The following TRAP1 variants were observed in gnomAD, a reference collection of about 807,000 sequenced individuals.
TRAP1 encodes TNF receptor associated protein 1.
A neutral mutation model predicts 89.1 loss-of-function variants in TRAP1; 102 were observed. The ratio of observed to expected loss-of-function variants is 1.15; its 90% CI spans 0.98 to 1.35. The LOEUF (loss-of-function observed/expected upper bound fraction) is 1.35. TRAP1 is among the 40% of genes most tolerant of loss of function. The pLI, the probability that TRAP1 is intolerant of heterozygous loss-of-function variation, is 0.00. For missense variants in TRAP1, 1,256 were observed against 945.3 expected, an observed-to-expected ratio of 1.33 and a Z score of -4.31; for synonymous variants, 508 against 388.0, an observed-to-expected ratio of 1.31 and a Z score of -3.64.
At chr16:3,675,218 C>A (rs977497958) in intron 8 of TRAP1, 106 bp downstream of exon 8, 4 of 1,109,746 alleles carry the variant, frequency 3.6e-6, no homozygotes, top group Non-Finnish European at 5.3e-6. Context: ...GCAGCTCGCC[C>A]TGTGACTCTG....
intron 11 of TRAP1, among the ~76,000 whole-genome samples, chr16:3,668,705 A>C (rs2050870592): frequency 6.6e-6 from 1 of 152,192 alleles, no homozygotes; most frequent in African/African-American, 2.4e-5. Context: ...AGCTTCGGGC[A>C]CTACCAGTGG....
chr16:3,668,661 C>A (rs1200342091), intron 11 of TRAP1, among the ~76,000 whole-genome samples: 1 of 152,162 alleles, frequency 6.6e-6, no homozygotes, highest in Non-Finnish European at 1.5e-5. Context: ...CAACCTTTGA[C>A]AACCACAAGC....
At chr16:3,679,855 C>G (rs2051052058) in intron 4 of TRAP1, 65 bp from the exon 5 acceptor site, 1 of 1,527,786 alleles carries the variant, frequency 6.5e-7, no homozygotes, top group Non-Finnish European at 9.0e-7. Flanking sequence ...AGTGCACCAG[C>G]AGTCCCAGGG....
chr16:3,662,760 C>T (rs755588551), intron 15 of TRAP1, 122 bp downstream of exon 15: 5 of 906,374 alleles, frequency 5.5e-6, no homozygotes, highest in Non-Finnish European at 8.9e-6. Context: ...CTCCACCTGA[C>T]ACCAAGGGCT....
intron 11 of TRAP1, among the ~76,000 whole-genome samples, chr16:3,670,229 A>G (rs959559554): frequency 1.3e-5 from 2 of 151,278 alleles, no homozygotes; most frequent in Non-Finnish European, 2.9e-5. Flanking sequence ...AAAGATATAA[A>G]AAATCAGCCG....
rs374392066 is a variant in TRAP1, at chr16:3,677,524, G to C, written c.678C>G (p.Ser226Arg). Residue 226 changes from serine to arginine, a missense_variant, in exon 6 of 18, where the codon AGC becomes AGG. Physicochemically the swap from Ser to Arg is moderately radical, Grantham distance 110. Transcript: ENST00000246957. ...EVYSRSAAPGSLGYQWLSDGS... is the reference protein window; with the variant it reads ...EVYSRSAAPGRLGYQWLSDGS... Reference sequence around the variant, plus strand: ...CATCTGAAAGCCACTGGTAACCCAGGCTCCCCGGGGCTGCCGAGCGGGAAT... The same window carrying C: ...CATCTGAAAGCCACTGGTAACCCAGCCTCCCCGGGGCTGCCGAGCGGGAAT... 3.1e-5 allele frequency: 50 copies of C among 1,614,060 alleles called. No homozygotes were observed. The highest frequency in any genetic ancestry group is 4.0e-5 in the Non-Finnish European group (47 of 1,180,042).
At chr16:3,660,225 A>C (rs1169514824) in intron 16 of TRAP1, 1 of 152,304 alleles carries the variant, frequency 6.6e-6, no homozygotes, top group East Asian at 1.9e-4. Context: ...TAATCTCTGC[A>C]GAAATACAAA....
chr16:3,672,850 A>C (rs1300473170), intron 9 of TRAP1, 30 bp from the exon 10 acceptor site: 1 of 1,597,710 alleles, frequency 6.3e-7, no homozygotes, highest in Non-Finnish European at 8.5e-7. Context: ...GCCATCATGC[A>C]GCACTGACCC....
chr16:3,665,661 C>T (rs1020461643), intron 12 of TRAP1, among the ~76,000 whole-genome samples: 1 of 152,212 alleles, frequency 6.6e-6, no homozygotes, highest in African/African-American at 2.4e-5. Context: ...CCCCAGCCCC[C>T]AACATCCTCT....
chr16:3,659,296 G>C (rs375467428), intron 16 of TRAP1: 4 of 161,606 alleles, frequency 2.5e-5, no homozygotes, highest in African/African-American at 9.6e-5. Flanking sequence ...TGTCTGATGA[G>C]GACAGTATTT....
chr16:3,691,983 C>A (rs913687598), intron 1 of TRAP1, among the ~76,000 whole-genome samples: 1 of 152,152 alleles, frequency 6.6e-6, no homozygotes, highest in African/African-American at 2.4e-5. Context: ...AGAAACCAGA[C>A]ACTTTCACTC....
chr16:3,705,459 C>T (rs956351950), intron 1 of TRAP1, among the ~76,000 whole-genome samples: 3 of 152,166 alleles, frequency 2.0e-5, no homozygotes, highest in Admixed American at 6.5e-5. Flanking sequence ...TTGGCAACTA[C>T]TCATCTATGT....
chr16:3,707,195 T>C (rs2051459320), intron 1 of TRAP1, among the ~76,000 whole-genome samples: 1 of 149,678 alleles, frequency 6.7e-6, no homozygotes, highest in Non-Finnish European at 1.5e-5. Context: ...TTTTTTTTTT[T>C]TTTTTTTTGA....
rs34870237 is a variant in TRAP1 at position 3,701,550 on chromosome 16, C to CAAA, written c.89-10568_89-10566dup. Among the ~76,000 whole-genome samples, 51 of 120,064 alleles carry CAAA rather than the reference C, an allele frequency of 4.2e-4. 1 individual carries two copies. Among genetic ancestry groups the CAAA allele is most frequent in the African/African-American group, 1.3e-3 (42 of 32,144 alleles). The allele number at this position is 120,064 out of a possible 152,430, so 78.8% of individuals were successfully genotyped here. A position where few individuals can be genotyped will look rare whatever the true frequency, so the allele number is the denominator to read the frequency against. On this transcript the variant is annotated intron_variant, in intron 1 of 17. Coordinates refer to ENST00000246957, the MANE Select transcript of TRAP1 (RefSeq NM_016292.3). Reference sequence around the variant, plus strand: ...TGGGTGACAGAGTAAGACCCTGTCCCAAAAAAAAAAAAAAAAAATAGCCAG... The same window carrying CAAA: ...TGGGTGACAGAGTAAGACCCTGTCCCAAAAAAAAAAAAAAAAAAAAATAGCCAG...
intron 1 of TRAP1, among the ~76,000 whole-genome samples, chr16:3,697,173 T>C (rs1160092262): frequency 6.6e-6 from 1 of 152,204 alleles, no homozygotes; most frequent in African/African-American, 2.4e-5. Context: ...TCTTGGATCT[T>C]TGCCTATTGG....
Position 3,662,970 on chromosome 16 carries a change from G to C in TRAP1, c.1709-3C>G. 2 of 1,606,912 alleles carry C rather than the reference G, an allele frequency of 1.2e-6. No individual in the cohort carries two copies. The highest frequency in any genetic ancestry group is 1.7e-6 in the Non-Finnish European group (2 of 1,179,136). ...CTTCTCTGATAGGCACTCGGCGGCT[G>C]CGGAAGAGCAGGCGACAGGGAGCTC... is the stretch of plus-strand genomic sequence containing the variant. On this transcript the variant is annotated splice_polypyrimidine_tract_variant and splice_region_variant and intron_variant, in intron 14 of 17. Transcript: ENST00000246957.
chr16:3,662,833 G>C (rs768639310), intron 15 of TRAP1, 49 bp downstream of exon 15: 1 of 1,591,914 alleles, frequency 6.3e-7, no homozygotes, highest in East Asian at 2.2e-5. Context: ...TGGCCAGCCT[G>C]TTAGGGACAC....
chr16:3,711,674 G>A (rs943988834), intron 1 of TRAP1, among the ~76,000 whole-genome samples: 3 of 151,782 alleles, frequency 2.0e-5, no homozygotes, highest in Admixed American at 1.3e-4. Flanking sequence ...CCCGCAAGTA[G>A]ATACTGTTTC....
intron 9 of TRAP1, among the ~76,000 whole-genome samples, chr16:3,674,083 GTTCTTTTT>G (rs1489529825): frequency 4.6e-5 from 7 of 152,124 alleles, no homozygotes; most frequent in Admixed American, 4.6e-4. Flanking sequence ...AGAGGCATCT[GTTCTTTTT>G]TTCTTTTTTT....
Sources: gnomAD v4.1 joint callset for allele counts (sites outside exome capture counted in the v4.1 genomes callset) on GRCh38, gnomAD v4.1.1 for gene constraint, MANE v1.5 for transcripts, NCBI Gene and HGNC (gene_info 2026-07-23, HGNC 2026-07-21) for gene names.